The following STT3B variants were observed in gnomAD, a reference collection of about 807,000 sequenced individuals.
STT3B encodes STT3 oligosaccharyltransferase complex catalytic subunit B.
A neutral mutation model predicts 96.8 loss-of-function variants in STT3B; 29 were observed. The observed-to-expected ratio is 0.30, with a 90% CI of 0.22 to 0.41. The LOEUF (loss-of-function observed/expected upper bound fraction) is 0.41. STT3B is among the 10% of genes least tolerant of loss of function. The pLI, the probability that STT3B is intolerant of heterozygous loss-of-function variation, is 1.00. For missense variants in STT3B, 640 were observed against 1,022.3 expected, an observed-to-expected ratio of 0.63 and a Z score of 5.10; for synonymous variants, 367 against 360.0, an observed-to-expected ratio of 1.02 and a Z score of -0.22.
chr3:31,553,326 A>G (rs1214307851), intron 1 of STT3B, among the ~76,000 whole-genome samples: 3 of 152,180 alleles, frequency 2.0e-5, no homozygotes, highest in Non-Finnish European at 4.4e-5. Flanking sequence ...TTCATATTTT[A>G]TAAGAATGAA....
intron 5 of STT3B, among the ~76,000 whole-genome samples, chr3:31,614,082 A>C (rs1375325882): frequency 6.6e-6 from 1 of 151,934 alleles, no homozygotes; most frequent in Non-Finnish European, 1.5e-5. Context: ...ATTTCTTTTA[A>C]AAGCAAATGA....
rs1332686681 is a variant in STT3B, at chr3:31,538,081, CA to C, written c.314+4772del. The stretch of plus-strand genomic sequence containing the variant: ...ATTGCTAAACTATTATAAAAATTTT[CA>C]AATGCACAAGAAAGTTGAATTTTAT... On this transcript the variant is annotated intron_variant, in intron 1 of 15. Transcript: ENST00000295770. Among the ~76,000 whole-genome samples the C allele has an allele frequency of 3.3e-5, 5 of 152,204 alleles. No homozygotes were observed. In the East Asian group the frequency reaches 9.6e-4, roughly 29 times the overall value.
chr3:31,590,872 C>T (rs545538071), intron 3 of STT3B, among the ~76,000 whole-genome samples: 1 of 152,102 alleles, frequency 6.6e-6, no homozygotes, highest in African/African-American at 2.4e-5. Context: ...CTTGACTGTT[C>T]AAAACAAGAT....
At chr3:31,573,955 A>G (rs1000604711) in intron 1 of STT3B, among the ~76,000 whole-genome samples, 4 of 152,262 alleles carry the variant, frequency 2.6e-5, no homozygotes, top group South Asian at 2.1e-4. Context: ...TTAAAGCCAA[A>G]GGAAGAATGA....
chr3:31,618,061 C>A lies in STT3B; in HGVS notation c.1172+73C>A. 1 of 1,045,082 alleles carries A rather than the reference C, an allele frequency of 9.6e-7. No individual in the cohort carries two copies. Among genetic ancestry groups the A allele is most frequent in the Non-Finnish European group, 1.5e-6 (1 of 664,884 alleles). 64.7% of individuals were successfully genotyped at this position (1,045,082 alleles called of 1,614,324 possible). A position where few individuals can be genotyped will look rare whatever the true frequency, so the allele number is the denominator to read the frequency against. ...TTTCCTTTGTTTTTATCTGTTTTGT[C>A]AGTGTTTCACTCAGTTCTTGGGCAA... is the stretch of plus-strand genomic sequence containing the variant. On this transcript the variant is annotated intron_variant, in intron 8 of 15. Transcript: ENST00000295770.
At chr3:31,625,612 G>C (rs561088333) in intron 12 of STT3B, among the ~76,000 whole-genome samples, 7 of 152,220 alleles carry the variant, frequency 4.6e-5, no homozygotes, top group African/African-American at 1.4e-4. Flanking sequence ...GAGAAGAAAT[G>C]TATGTGCTAG....
At chr3:31,554,542 C>A (rs950547794) in intron 1 of STT3B, among the ~76,000 whole-genome samples, 1 of 151,788 alleles carries the variant, frequency 6.6e-6, no homozygotes, top group South Asian at 2.1e-4. Context: ...CCCAAAACCG[C>A]GTCAGCAGCT....
chr3:31,534,817 T>TA (rs1340249624), intron 1 of STT3B, among the ~76,000 whole-genome samples: 1 of 152,226 alleles, frequency 6.6e-6, no homozygotes, highest in Non-Finnish European at 1.5e-5. Flanking sequence ...CTAGTTTTTT[T>TA]AAAAAATAAC....
rs76828640 is a variant in STT3B, at chr3:31,609,877, A to G, written c.878-5228A>G. ...CACACCCGGCCACACTTGCTGTTTT[A>G]AAAATGTTGTGATTAAGTATCTCTA... On this transcript the variant is annotated intron_variant, in intron 5 of 15. Transcript: ENST00000295770. 5.6e-3 allele frequency among the ~76,000 whole-genome samples: 859 copies of G among 152,260 alleles called. 10 individuals are homozygous for G. Among genetic ancestry groups the G allele is most frequent in the African/African-American group, 0.019 (800 of 41,550 alleles).
At chr3:31,557,510 G>A (rs1050566173) in intron 1 of STT3B, among the ~76,000 whole-genome samples, 1 of 152,110 alleles carries the variant, frequency 6.6e-6, no homozygotes, top group Non-Finnish European at 1.5e-5. Flanking sequence ...CATGGGCATG[G>A]GATGTCTTTC....
At chr3:31,539,744 C>T (rs921412569) in intron 1 of STT3B, among the ~76,000 whole-genome samples, 9 of 152,036 alleles carry the variant, frequency 5.9e-5, no homozygotes, top group East Asian at 1.9e-4. Context: ...ATGGGATTTT[C>T]GGAAACTCTG....
intron 1 of STT3B, among the ~76,000 whole-genome samples, chr3:31,571,268 T>C (rs1026918805): frequency 2.9e-5 from 4 of 137,398 alleles, no homozygotes; most frequent in African/African-American, 7.9e-5. Flanking sequence ...AAAGTGTTAC[T>C]GGAAAGCCTC....
chr3:31,553,058 C>T (rs966211777), intron 1 of STT3B, among the ~76,000 whole-genome samples: 11 of 148,010 alleles, frequency 7.4e-5, no homozygotes, highest in South Asian at 2.2e-4. Context: ...GTCGAGATCG[C>T]GCCACTGCAC....
chr3:31,552,752 G>A (rs1003438180), intron 1 of STT3B, among the ~76,000 whole-genome samples: 1 of 152,166 alleles, frequency 6.6e-6, no homozygotes, highest in East Asian at 1.9e-4. Context: ...TGTGAGGACA[G>A]GTCCGTCCTG....
intron 13 of STT3B, among the ~76,000 whole-genome samples, chr3:31,627,387 C>T (rs1052611734): frequency 1.1e-4 from 16 of 152,284 alleles, no homozygotes; most frequent in East Asian, 5.8e-4. Flanking sequence ...AGCAGCCCTC[C>T]GCCATCCGTG....
intron 5 of STT3B, among the ~76,000 whole-genome samples, chr3:31,610,144 A>G (rs1010398054): frequency 2.0e-5 from 3 of 152,152 alleles, no homozygotes; most frequent in African/African-American, 7.2e-5. Flanking sequence ...GTTTCTTACT[A>G]TTCTTTATCC....
chr3:31,625,840 A>T (rs1407077735), intron 12 of STT3B, 114 bp from the exon 13 acceptor site: 27 of 1,008,004 alleles, frequency 2.7e-5, no homozygotes, highest in Admixed American at 1.1e-4. Flanking sequence ...CTGCAAAAAA[A>T]TTCCATGTAA....
intron 1 of STT3B, among the ~76,000 whole-genome samples, chr3:31,564,541 AATT>A (rs1267329407): frequency 6.6e-6 from 1 of 152,204 alleles, no homozygotes; most frequent in Non-Finnish European, 1.5e-5. Flanking sequence ...ATAAAGATCA[AATT>A]ATTAATAACA....
chr3:31,625,179 A>G (rs1359976680), intron 12 of STT3B, 94 bp downstream of exon 12: 3 of 1,120,166 alleles, frequency 2.7e-6, no homozygotes, highest in Non-Finnish European at 3.8e-6. Flanking sequence ...TGTGGGTGAA[A>G]AGTACTCTGC....
Sources: gnomAD v4.1 joint callset for allele counts (sites outside exome capture counted in the v4.1 genomes callset) on GRCh38, gnomAD v4.1.1 for gene constraint, MANE v1.5 for transcripts, NCBI Gene and HGNC (gene_info 2026-07-23, HGNC 2026-07-21) for gene names.